SLC25A36: variants seen among roughly 807,000 people sequenced by gnomAD.
SLC25A36 encodes the protein solute carrier family 25 member 36, also known as epididymis secretory sperm binding protein.
Under a neutral mutation model 35.3 loss-of-function variants are expected in SLC25A36, and 24 were observed. The observed-to-expected ratio is 0.68, with a 90% CI of 0.49 to 0.96. The LOEUF is 0.96. SLC25A36 is among the 40% of genes least tolerant of loss of function. The pLI, the probability that SLC25A36 is intolerant of heterozygous loss-of-function variation, is 0.00. For missense variants in SLC25A36, 294 were observed against 381.1 expected (o/e 0.77, Z 1.90); for synonymous variants, 141 against 132.2 (o/e 1.07, Z -0.46).
chr3:140,962,288 C>T (rs1229057159), intron 3 of SLC25A36, among the ~76,000 whole-genome samples: 1 of 152,116 alleles, frequency 6.6e-6, no homozygotes, highest in Non-Finnish European at 1.5e-5. Flanking sequence ...GTATTTGTCA[C>T]TCTGTTTCTT....
intron 3 of SLC25A36, 87 bp from the exon 4 acceptor site, chr3:140,963,040 T>C: frequency 2.5e-6 from 2 of 795,680 alleles, no homozygotes. Context: ...TTTAAATTTC[T>C]CCATTCTAAA....
rs1321202849 is a variant in SLC25A36 at position 140,978,607 on chromosome 3, T to C, written c.*2154T>C. 6.6e-6 allele frequency: 1 copy of C among 152,230 alleles called. No homozygotes were observed. The highest frequency in any genetic ancestry group is 2.4e-5 in the African/African-American group (1 of 41,464). The allele number at this position is 152,230 out of a possible 1,614,324, so 9.4% of individuals were successfully genotyped here. On this transcript the variant is annotated 3_prime_UTR_variant, in exon 7 of 7. Coordinates refer to ENST00000324194, the MANE Select transcript of SLC25A36 (RefSeq NM_001104647.3). The stretch of plus-strand genomic sequence containing the variant: ...AGGATAAACATATATTCTCTATTTG[T>C]ATTTAGCAAGTAAAACTTGTGTTGA...
chr3:140,974,107 T>C (rs531925463), intron 6 of SLC25A36, 102 bp downstream of exon 6: 2 of 779,184 alleles, frequency 2.6e-6, no homozygotes, highest in East Asian at 2.6e-5. Context: ...TATAACAAAA[T>C]ACAATTATTG....
rs553759457 is a variant in SLC25A36 at position 140,961,855 on chromosome 3, C to CAAAAAAAA, written c.285-1249_285-1242dup. Among the ~76,000 whole-genome samples the CAAAAAAAA allele has an allele frequency of 2.0e-4, 7 of 35,836 alleles. No homozygotes were observed. In the East Asian group the frequency reaches 4.0e-3, roughly 21 times the overall value. The allele number at this position is 35,836 out of a possible 152,430, so 23.5% of individuals were successfully genotyped here. A position where few individuals can be genotyped will look rare whatever the true frequency, so the allele number is the denominator to read the frequency against. ...TGGGCAAAAGAGCGAGGCTCCGTCT[C>CAAAAAAAA]AAAAAAAAAAAAAAAAAAAAAAAAA... On this transcript the variant is annotated intron_variant, in intron 3 of 6. Transcript: ENST00000324194.
chr3:140,975,862 A>C (rs957537894), intron 6 of SLC25A36, among the ~76,000 whole-genome samples: 1 of 152,096 alleles, frequency 6.6e-6, no homozygotes, highest in African/African-American at 2.4e-5. Flanking sequence ...TCTTTGTAGT[A>C]CTCACTTTAA....
chr3:140,968,155 T>C (rs956006270), intron 4 of SLC25A36: 39 of 945,802 alleles, frequency 4.1e-5, no homozygotes, highest in Admixed American at 6.2e-5. Flanking sequence ...TCTTAGATTA[T>C]TAGATTATAT....
chr3:140,950,883 C>T (rs535303560), intron 1 of SLC25A36, among the ~76,000 whole-genome samples: 2 of 144,142 alleles, frequency 1.4e-5, no homozygotes, highest in East Asian at 4.0e-4. Context: ...TTTTATCCAG[C>T]GTGTGTGTGT....
In SLC25A36 at chr3:140,975,097, C is replaced by CT. The variant is rs10662120; in HGVS notation, c.742+1122dup. ...GTACAGTTGATAAACAAGATACATT[C>CT]TTTTTTTTTTTTTTTTTTTTTTTTT... On this transcript the variant is annotated intron_variant, in intron 6 of 6. Coordinates refer to ENST00000324194, the MANE Select transcript of SLC25A36 (RefSeq NM_001104647.3). Among the ~76,000 whole-genome samples the CT allele has an allele frequency of 7.1e-4, 39 of 55,214 alleles. 10 individuals carry two copies. The highest frequency in any genetic ancestry group is 1.1e-3 in the Non-Finnish European group (32 of 28,232). 36.2% of individuals were successfully genotyped at this position (55,214 alleles called of 152,430 possible).
chr3:140,952,681 G>T (rs529284758), intron 1 of SLC25A36, among the ~76,000 whole-genome samples: 16 of 152,228 alleles, frequency 1.1e-4, no homozygotes, highest in African/African-American at 3.9e-4. Context: ...TACAACAAGC[G>T]TGTGAGGCAT....
chr3:140,965,820 C>T (rs1934743962), intron 4 of SLC25A36: 1 of 151,564 alleles, frequency 6.6e-6, no homozygotes, highest in Admixed American at 6.6e-5. Context: ...TATATCTCAG[C>T]TATTGAGGGT....
intron 1 of SLC25A36, among the ~76,000 whole-genome samples, chr3:140,954,297 G>A (rs778752314): frequency 2.6e-5 from 4 of 152,164 alleles, no homozygotes; most frequent in East Asian, 1.9e-4. Context: ...CTAGTTGATG[G>A]ACATTTGGGT....
rs1387269482 is a variant in SLC25A36, at chr3:140,976,887, T to C, written c.*434T>C. The C allele has an allele frequency of 1.3e-5, 2 of 152,626 alleles. No individual in the cohort carries two copies. Among genetic ancestry groups the C allele is most frequent in the East Asian group, 3.8e-4 (2 of 5,214 alleles). The allele number at this position is 152,626 out of a possible 1,614,324, so 9.5% of individuals were successfully genotyped here. A position where few individuals can be genotyped will look rare whatever the true frequency, so the allele number is the denominator to read the frequency against. On this transcript the variant is annotated 3_prime_UTR_variant, in exon 7 of 7. Coordinates refer to ENST00000324194, the MANE Select transcript of SLC25A36 (RefSeq NM_001104647.3). ...TAAAATAACAGCAATGACAATGAGA[T>C]CGTCAGTATTATTTTCACATTTCCC...
chr3:140,968,196 A>G (rs751721184), intron 4 of SLC25A36: 23 of 943,766 alleles, frequency 2.4e-5, no homozygotes, highest in Middle Eastern at 1.1e-3. Flanking sequence ...AGTAATGTCT[A>G]TTTAGTTTGT....
intron 1 of SLC25A36, among the ~76,000 whole-genome samples, chr3:140,944,190 G>A (rs1198427430): frequency 1.3e-5 from 2 of 152,148 alleles, no homozygotes; most frequent in Non-Finnish European, 2.9e-5. Context: ...TTTAATCTTA[G>A]GCAAGGGTTT....
chr3:140,955,527 A>G (rs1181482060), intron 1 of SLC25A36, among the ~76,000 whole-genome samples: 4 of 152,178 alleles, frequency 2.6e-5, no homozygotes, highest in African/African-American at 9.7e-5. Flanking sequence ...TACTCAGCCT[A>G]TATCTTACAT....
chr3:140,975,881 T>G (rs1486270013), intron 6 of SLC25A36, among the ~76,000 whole-genome samples: 1 of 152,192 alleles, frequency 6.6e-6, no homozygotes, highest in Admixed American at 6.5e-5. Context: ...AAACAAATCT[T>G]TTCTGCTTGT....
intron 5 of SLC25A36, among the ~76,000 whole-genome samples, chr3:140,971,642 G>A (rs1379113546): frequency 1.3e-5 from 2 of 152,204 alleles, no homozygotes; most frequent in African/African-American, 4.8e-5. Context: ...GTTCTAAAGT[G>A]TAGGGCCTTT....
chr3:140,959,552 A>T lies in SLC25A36; in HGVS notation c.284+12A>T. On this transcript the variant is annotated intron_variant, in intron 3 of 6. Coordinates refer to ENST00000324194, the MANE Select transcript of SLC25A36 (RefSeq NM_001104647.3). ...GTAGCCCCTTCCAGGTAAAAAAAAA[A>T]AAAAATTGTTTAAAGCAAGTTATGG... 7.1e-7 allele frequency: 1 copy of T among 1,416,922 alleles called. No homozygotes were observed. Among genetic ancestry groups the T allele is most frequent in the Non-Finnish European group, 9.3e-7 (1 of 1,080,362 alleles). 87.8% of individuals were successfully genotyped at this position (1,416,922 alleles called of 1,614,324 possible). A position where few individuals can be genotyped will look rare whatever the true frequency, so the allele number is the denominator to read the frequency against.
At chr3:140,954,667 G>C (rs1195161532) in intron 1 of SLC25A36, among the ~76,000 whole-genome samples, 1 of 152,186 alleles carries the variant, frequency 6.6e-6, no homozygotes, top group Non-Finnish European at 1.5e-5. Context: ...TTGCGTCTAT[G>C]TATCACTATC....
Sources: allele counts gnomAD v4.1 joint callset (sites outside exome capture counted in the v4.1 genomes callset), GRCh38; gene constraint gnomAD v4.1.1; transcripts MANE v1.5; gene names NCBI Gene and HGNC (gene_info 2026-07-23, HGNC 2026-07-21).